FHL2: variants seen among roughly 807,000 people sequenced by gnomAD.
FHL2 encodes four and a half LIM domains 2, also known as four and a half LIM domains protein 2.
FHL2 carries 20 observed loss-of-function variants against 32.7 expected under a neutral mutation model. The ratio of observed to expected loss-of-function variants is 0.61; its 90% confidence interval spans 0.43 to 0.89. The LOEUF is 0.89. Among genes scored for constraint, FHL2 ranks in the 40% least tolerant of loss-of-function variants. The pLI is 0.00. For synonymous variants in FHL2, 123 were observed against 128.1 expected (o/e 0.96, Z 0.27); for missense variants, 311 against 358.6 (o/e 0.87, Z 1.07).
chr2:105,432,336 G>A (rs769574983), intron 1 of FHL2, among the ~76,000 whole-genome samples: 2 of 152,066 alleles, frequency 1.3e-5, no homozygotes, highest in Non-Finnish European at 2.9e-5. Flanking sequence ...TCTTACACTC[G>A]CTATTATTTT....
At position 105,373,697 on chromosome 2, in the gene FHL2, A is replaced by G. The variant is rs768709080; in HGVS notation, c.193T>C (p.Cys65Arg). The G allele has an allele frequency of 8.7e-6, 14 of 1,614,092 alleles. No homozygotes were observed. In the Admixed American group the frequency reaches 2.2e-4, roughly 25 times the overall value. Residue 65 changes from cysteine to arginine, a missense_variant, in exon 4 of 7, where the codon TGT becomes CGT. Coordinates refer to ENST00000530340, the MANE Select transcript of FHL2 (RefSeq NM_001318895.3). ...SYKDRHWHEACFHCSQCRNSL... is the reference protein window; with the variant it reads ...SYKDRHWHEARFHCSQCRNSL... ...TTTCTGCACTGCGAGCAGTGGAAACAGGCTTCATGCCAGTGCCGGTCCTTG... is the reference window on the plus strand; with the variant it reads ...TTTCTGCACTGCGAGCAGTGGAAACGGGCTTCATGCCAGTGCCGGTCCTTG...
At chr2:105,369,501 T>TG (rs1263028136) in intron 4 of FHL2, among the ~76,000 whole-genome samples, 1 of 152,122 alleles carries the variant, frequency 6.6e-6, no homozygotes, top group African/African-American at 2.4e-5. Context: ...GGGTGTGTGT[T>TG]GGGGGGCAAT....
intron 1 of FHL2, 98 bp downstream of exon 1, chr2:105,398,744 C>T (rs1475669241): frequency 1.8e-5 from 18 of 1,010,324 alleles, no homozygotes; most frequent in Non-Finnish European, 2.3e-5. Context: ...CCCGGGTCTA[C>T]CCCACAGCTC....
intron 3 of FHL2, among the ~76,000 whole-genome samples, chr2:105,377,240 G>C (rs1012983468): frequency 3.3e-5 from 5 of 152,212 alleles, no homozygotes; most frequent in Non-Finnish European, 5.9e-5. Context: ...TGGTTGCACA[G>C]CCATCTGAAT....
intron 1 of FHL2, among the ~76,000 whole-genome samples, chr2:105,404,552 G>T (rs113467075): frequency 0.011 from 1,611 of 152,262 alleles, 39 homozygotes; most frequent in African/African-American, 0.037. Flanking sequence ...CTACGGGCAG[G>T]GTATGCACCT....
intron 1 of FHL2, among the ~76,000 whole-genome samples, chr2:105,430,402 C>T (rs1236894752): frequency 2.6e-5 from 4 of 152,228 alleles, no homozygotes; most frequent in Non-Finnish European, 4.4e-5. Flanking sequence ...CGAGGTGGCT[C>T]ACGCCTGTAA....
chr2:105,377,783 A>G (rs1681583758), intron 3 of FHL2: 4 of 313,362 alleles, frequency 1.3e-5, no homozygotes, highest in South Asian at 1.1e-4. Context: ...ATGACCCAAG[A>G]GTCACTGTCT....
At chr2:105,418,314 G>A (rs1683994296) in intron 1 of FHL2, among the ~76,000 whole-genome samples, 1 of 152,028 alleles carries the variant, frequency 6.6e-6, no homozygotes, top group African/African-American at 2.4e-5. Context: ...GGACCAGGCA[G>A]ATAAGCACCA....
chr2:105,371,706 G>A (rs947392553), intron 4 of FHL2, among the ~76,000 whole-genome samples: 2 of 152,166 alleles, frequency 1.3e-5, no homozygotes, highest in Non-Finnish European at 2.9e-5. Context: ...TTTATGTCAT[G>A]GTTGGTGCTA....
chr2:105,419,616 T>C (rs908015049), intron 1 of FHL2, among the ~76,000 whole-genome samples: 2 of 152,212 alleles, frequency 1.3e-5, no homozygotes, highest in Admixed American at 6.5e-5. Flanking sequence ...GGTTCCCCTA[T>C]ATGTGTACTC....
At chr2:105,402,053 A>G (rs1573383520), upstream of FHL2, among the ~76,000 whole-genome samples, 1 of 150,120 alleles carries the variant, frequency 6.7e-6, no homozygotes, top group East Asian at 1.9e-4. Flanking sequence ...ACGTATATAT[A>G]CGTATGTATG....
At chr2:105,360,790 G>A (rs908248135), downstream of FHL2, 3 of 154,064 alleles carry the variant, frequency 1.9e-5, no homozygotes, top group Non-Finnish European at 4.3e-5. Flanking sequence ...GCCTCGACCT[G>A]TAATCATGAT....
intron 1 of FHL2, among the ~76,000 whole-genome samples, chr2:105,429,354 T>C (rs1684357221): frequency 6.6e-6 from 1 of 151,874 alleles, no homozygotes; most frequent in Non-Finnish European, 1.5e-5. Context: ...GCAGATGTGA[T>C]TAAGTTAAGG....
chr2:105,399,134 C>T, upstream of FHL2: 1 of 1,385,544 alleles, frequency 7.2e-7, no homozygotes, highest in South Asian at 1.7e-5. Flanking sequence ...GGCTCGCTGG[C>T]ACCGGGCGTG....
chr2:105,395,328 C>T (rs1247975119), intron 2 of FHL2, among the ~76,000 whole-genome samples: 1 of 152,230 alleles, frequency 6.6e-6, no homozygotes, highest in African/African-American at 2.4e-5. Context: ...TATGGCTCTA[C>T]CATGCCTTCC....
intron 4 of FHL2, among the ~76,000 whole-genome samples, chr2:105,369,587 C>T (rs535312515): frequency 6.6e-6 from 1 of 152,252 alleles, no homozygotes; most frequent in African/African-American, 2.4e-5. Flanking sequence ...CTATGGAATT[C>T]AATTGTGGGG....
chr2:105,420,055 A>G (rs1045159755), intron 1 of FHL2, among the ~76,000 whole-genome samples: 6 of 152,162 alleles, frequency 3.9e-5, no homozygotes, highest in African/African-American at 1.2e-4. Flanking sequence ...AAGCCACCCA[A>G]TGCCCCATTG....
Position 105,361,183 on chromosome 2 carries a change from A to T in FHL2, c.*100T>A. The stretch of plus-strand genomic sequence containing the variant: ...TGAAAAGCACTAGAAGAAAGTCTCA[A>T]TGTGGCTGGAAGAAACCAGAAGGCA... On this transcript the variant is annotated 3_prime_UTR_variant, in exon 7 of 7. Transcript: ENST00000530340. The T allele has an allele frequency of 1.6e-6, 2 of 1,225,850 alleles. No homozygotes were observed. Among genetic ancestry groups the T allele is most frequent in the East Asian group, 4.7e-5 (2 of 42,708 alleles). The allele number at this position is 1,225,850 out of a possible 1,614,324, so 75.9% of individuals were successfully genotyped here.
Position 105,373,534 on chromosome 2 carries a change from G to A in FHL2, c.331+25C>T, listed in dbSNP as rs950308724. 1.1e-5 allele frequency: 18 copies of A among 1,613,614 alleles called. No homozygotes were observed. The Admixed American group carries it at 1.2e-4, about 10-fold the overall frequency. ...AAGGCTTGAAGCTAGACTGGCTCAC[G>A]CATGAGAAAGGAGTGCCTCCTGACC... On this transcript the variant is annotated intron_variant, in intron 4 of 6. Coordinates refer to ENST00000530340, the MANE Select transcript of FHL2 (RefSeq NM_001318895.3).
Sources: gnomAD v4.1 joint callset for allele counts (sites outside exome capture counted in the v4.1 genomes callset) on GRCh38, gnomAD v4.1.1 for gene constraint, MANE v1.5 for transcripts, NCBI Gene and HGNC (gene_info 2026-07-23, HGNC 2026-07-21) for gene names.